Variants in TBC1D19 observed in about 807,000 individuals in gnomAD.
TBC1D19 encodes TBC1 domain family, member 19.
TBC1D19 carries 60 observed loss-of-function variants against 89.0 expected under a neutral mutation model. The ratio of observed to expected loss-of-function variants is 0.67; its 90% confidence interval spans 0.55 to 0.84. The LOEUF is 0.84. TBC1D19 is among the 40% of genes least tolerant of loss of function. The pLI is 0.00. For synonymous variants in TBC1D19, 189 were observed against 199.7 expected, an observed-to-expected ratio of 0.95 and a Z score of 0.45; for missense variants, 500 against 610.8, an observed-to-expected ratio of 0.82 and a Z score of 1.91.
In TBC1D19 at chr4:26,620,630, A is replaced by G; in HGVS notation, c.236A>G (p.His79Arg). The change falls in exon 4 of 21, where the codon CAT becomes CGT. Residue 79 changes from histidine to arginine, a missense_variant. Transcript: ENST00000264866. ...SELSVFPLPS[H>R]PAAPPEHLKE... ...GCTCCTAGGTTTCCTTTACCTAGTC[A>G]TCCTGCTGCACCTCCTGAACATCTT... The G allele has an allele frequency of 1.9e-6, 3 of 1,613,774 alleles. No individual in the cohort carries two copies. The highest frequency in any genetic ancestry group is 2.5e-6 in the Non-Finnish European group (3 of 1,179,848).
chr4:26,727,604 A>C (rs1717394992), intron 15 of TBC1D19, among the ~76,000 whole-genome samples: 1 of 152,172 alleles, frequency 6.6e-6, no homozygotes, highest in Non-Finnish European at 1.5e-5. Flanking sequence ...AACCCAATGA[A>C]GTTGATCTTG....
intron 13 of TBC1D19, among the ~76,000 whole-genome samples, chr4:26,696,949 C>T (rs984644597): frequency 6.6e-6 from 1 of 152,048 alleles, no homozygotes; most frequent in Non-Finnish European, 1.5e-5. Context: ...ATTAAAAGAA[C>T]TAGAGAAGCA....
intron 1 of TBC1D19, among the ~76,000 whole-genome samples, chr4:26,609,015 C>T (rs1027564466): frequency 1.6e-5 from 2 of 124,534 alleles, no homozygotes; most frequent in Admixed American, 2.2e-4. Context: ...AACACATGGA[C>T]ACAGGAAGGG....
chr4:26,852,840 C>T, the TBC1D19 span, among the ~76,000 whole-genome samples: 1 of 152,150 alleles, frequency 6.6e-6, no homozygotes, highest in Non-Finnish European at 1.5e-5. Context: ...AGGATGGTCT[C>T]GATCTCCTGA....
At chr4:26,726,404 C>A (rs4235020) in intron 15 of TBC1D19, among the ~76,000 whole-genome samples, 130,011 of 152,160 alleles carry the variant, frequency 0.85, 59,074 homozygotes, top group Non-Finnish European at 1. Flanking sequence ...TAAATTTAAA[C>A]TATCTCATAT....
intron 12 of TBC1D19, among the ~76,000 whole-genome samples, chr4:26,684,142 AT>A (rs1471214363): frequency 6.6e-6 from 1 of 152,126 alleles, no homozygotes; most frequent in Non-Finnish European, 1.5e-5. Flanking sequence ...GTCATTTTTA[AT>A]TTTTAATTTC....
At chr4:26,848,423 CT>C in the TBC1D19 span, among the ~76,000 whole-genome samples, 21 of 152,204 alleles carry the variant, frequency 1.4e-4, no homozygotes, top group Non-Finnish European at 1.0e-4. Context: ...TAAATGCTTA[CT>C]GCACTTTTGC....
exon 1 of TBC1D19, chr4:26,576,726 G>A: frequency 2.2e-6 from 1 of 456,226 alleles, no homozygotes; most frequent in Non-Finnish European, 4.4e-6. Context: ...AGGGCAGAGA[G>A]CCACAGAGCC....
the TBC1D19 span, among the ~76,000 whole-genome samples, chr4:26,789,725 A>G: frequency 6.6e-6 from 1 of 152,214 alleles, no homozygotes; most frequent in South Asian, 2.1e-4. Context: ...GGCAAAAGAA[A>G]TCATTTTACC....
At chr4:26,652,327 T>C (rs1022248536) in intron 7 of TBC1D19, among the ~76,000 whole-genome samples, 2 of 152,208 alleles carry the variant, frequency 1.3e-5, no homozygotes, top group African/African-American at 4.8e-5. Flanking sequence ...AATTTGGCTG[T>C]GAATCCATCT....
At chr4:26,628,290 C>G (rs1437639623) in intron 4 of TBC1D19, among the ~76,000 whole-genome samples, 2 of 152,146 alleles carry the variant, frequency 1.3e-5, no homozygotes, top group African/African-American at 2.4e-5. Flanking sequence ...ATTACTGTAG[C>G]CTTGAAGTAT....
chr4:26,788,167 G>A, the TBC1D19 span, among the ~76,000 whole-genome samples: 155 of 152,252 alleles, frequency 1.0e-3, 2 homozygotes, highest in Non-Finnish European at 1.6e-3. Flanking sequence ...TGGGATCCCA[G>A]GGGCCCTGGG....
intron 1 of TBC1D19, among the ~76,000 whole-genome samples, chr4:26,600,288 C>G (rs1466912386): frequency 6.6e-6 from 1 of 152,040 alleles, no homozygotes; most frequent in Non-Finnish European, 1.5e-5. Context: ...TGATACTTAC[C>G]CATATTTATT....
chr4:26,591,527 C>G (rs1739806990), intron 1 of TBC1D19, among the ~76,000 whole-genome samples: 1 of 151,994 alleles, frequency 6.6e-6, no homozygotes, highest in African/African-American at 2.4e-5. Flanking sequence ...AAAAACCCTT[C>G]AAAAAATCAA....
At chr4:26,793,598 C>G in the TBC1D19 span, among the ~76,000 whole-genome samples, 1 of 152,008 alleles carries the variant, frequency 6.6e-6, no homozygotes, top group Non-Finnish European at 1.5e-5. Flanking sequence ...TGACGAGTGC[C>G]TGTAATCCCA....
At chr4:26,850,710 A>T in the TBC1D19 span, among the ~76,000 whole-genome samples, 1 of 152,160 alleles carries the variant, frequency 6.6e-6, no homozygotes, top group South Asian at 2.1e-4. Flanking sequence ...TTCTGCTGAC[A>T]TCTGGATTTG....
chr4:26,852,343 C>T, the TBC1D19 span, among the ~76,000 whole-genome samples: 2 of 152,158 alleles, frequency 1.3e-5, no homozygotes, highest in East Asian at 3.9e-4. Context: ...TAGTTGAGCT[C>T]AGGAGTTCGA....
chr4:26,655,475 G>T (rs1312095107), intron 7 of TBC1D19, among the ~76,000 whole-genome samples: 1 of 152,222 alleles, frequency 6.6e-6, no homozygotes, highest in African/African-American at 2.4e-5. Flanking sequence ...CAGAGGTGGA[G>T]TCTAGAGAGG....
At chr4:26,691,082 G>T (rs1040982813) in intron 13 of TBC1D19, among the ~76,000 whole-genome samples, 1 of 152,210 alleles carries the variant, frequency 6.6e-6, no homozygotes, top group South Asian at 2.1e-4. Flanking sequence ...ACCTTGAGGG[G>T]TTCAAGACTT....
Sources: allele counts gnomAD v4.1 joint callset (sites outside exome capture counted in the v4.1 genomes callset), GRCh38; gene constraint gnomAD v4.1.1; transcripts MANE v1.5; gene names NCBI Gene and HGNC (gene_info 2026-07-23, HGNC 2026-07-21).